The following MRPL3 variants were observed in gnomAD, a reference collection of about 807,000 sequenced individuals.
MRPL3 encodes the protein large ribosomal subunit protein uL3m.
A neutral mutation model predicts 44.3 loss-of-function variants in MRPL3; 43 were observed. The ratio of observed to expected loss-of-function variants is 0.97; its 90% CI spans 0.76 to 1.25. MRPL3 has a LOEUF of 1.25. Ranked by LOEUF, MRPL3 falls within the 50% of genes most tolerant of loss-of-function variation. The pLI, the probability that MRPL3 is intolerant of heterozygous loss-of-function variation, is 0.00. For synonymous variants in MRPL3, 171 were observed against 152.3 expected (o/e 1.12, Z -0.91); for missense variants, 406 against 427.6 (o/e 0.95, Z 0.45).
intron 8 of MRPL3, among the ~76,000 whole-genome samples, chr3:131,468,877 T>G (rs868646606): frequency 6.6e-6 from 1 of 152,060 alleles, no homozygotes; most frequent in African/African-American, 2.4e-5. Flanking sequence ...ATAAAAGGTA[T>G]GCAGAATAGA....
chr3:131,498,140 G>A (rs756017928), intron 4 of MRPL3, 39 bp downstream of exon 4: 3 of 1,312,764 alleles, frequency 2.3e-6, no homozygotes, highest in Non-Finnish European at 3.3e-6. Flanking sequence ...TGAAACTGAT[G>A]AAAAATGCAG....
intron 9 of MRPL3, 35 bp from the exon 10 acceptor site, chr3:131,462,910 A>G: frequency 6.4e-7 from 1 of 1,568,462 alleles, no homozygotes; most frequent in South Asian, 1.2e-5. Flanking sequence ...GAAACCAATT[A>G]AGTTCTTTAA....
At chr3:131,476,307 CAG>C (rs1491585639) in intron 6 of MRPL3, among the ~76,000 whole-genome samples, 2 of 152,054 alleles carry the variant, frequency 1.3e-5, no homozygotes, top group African/African-American at 4.8e-5. Context: ...TTAGGGAGAA[CAG>C]AGTGTACCTG....
intron 2 of MRPL3, 48 bp downstream of exon 2, chr3:131,501,483 C>A (rs759739529): frequency 1.4e-6 from 2 of 1,434,918 alleles, no homozygotes; most frequent in Admixed American, 3.7e-5. Flanking sequence ...ATGTGTCCAG[C>A]CACACAGTAA....
intron 6 of MRPL3, among the ~76,000 whole-genome samples, chr3:131,479,960 C>G (rs1314334714): frequency 6.6e-6 from 1 of 152,188 alleles, no homozygotes; most frequent in African/African-American, 2.4e-5. Flanking sequence ...AATCACTTTA[C>G]TATGCTTTAG....
rs1384897553 is a variant in MRPL3 at position 131,500,618 on chromosome 3, AG to A, written c.278-98del. 5 of 908,002 alleles carry A rather than the reference AG, an allele frequency of 5.5e-6. No individual in the cohort carries two copies. The African/African-American group carries it at 8.2e-5, about 15-fold the overall frequency. 56.2% of individuals were successfully genotyped at this position (908,002 alleles called of 1,614,324 possible). A position where few individuals can be genotyped will look rare whatever the true frequency, so the allele number is the denominator to read the frequency against. Reference sequence around the variant, plus strand: ...CCTAAAATCAGGTTTCCGTATGAGGAGCAGGCACGTAAGAAATATGCTAATA... The same window carrying A: ...CCTAAAATCAGGTTTCCGTATGAGGACAGGCACGTAAGAAATATGCTAATA... On this transcript the variant is annotated intron_variant, in intron 2 of 9. Coordinates refer to ENST00000264995, the MANE Select transcript of MRPL3 (RefSeq NM_007208.4).
chr3:131,482,466 G>A (rs577048672), intron 6 of MRPL3, among the ~76,000 whole-genome samples: 11 of 150,300 alleles, frequency 7.3e-5, no homozygotes, highest in African/African-American at 2.7e-4. Flanking sequence ...AGTGAGCCGA[G>A]ATCGTGCCAC....
At position 131,498,235 on chromosome 3, in the gene MRPL3, A is replaced by G; in HGVS notation, c.412T>C (p.Cys138Arg). The G allele has an allele frequency of 6.2e-7, 1 of 1,612,856 alleles. No homozygotes were observed. Among genetic ancestry groups the G allele is most frequent in the Middle Eastern group, 1.6e-4 (1 of 6,062 alleles). The change falls in exon 4 of 10, where the codon TGT becomes CGT. Residue 138 changes from cysteine to arginine, a missense_variant. Transcript: ENST00000264995. ...HVLKYTSKENCNGKMATLSVG... is the reference protein window; with the variant it reads ...HVLKYTSKENRNGKMATLSVG... ...GACAGGGTTGCCATTTTTCCATTAC[A>G]GTTTTCCTTTGACGTATATTTTAAG...
chr3:131,489,934 C>A, intron 5 of MRPL3, 47 bp downstream of exon 5: 1 of 1,161,982 alleles, frequency 8.6e-7, no homozygotes, highest in Non-Finnish European at 1.3e-6. Flanking sequence ...AAACAAATTG[C>A]ATATTTGGGT....
chr3:131,484,671 A>G (rs1029384066), intron 6 of MRPL3, among the ~76,000 whole-genome samples: 1 of 152,226 alleles, frequency 6.6e-6, no homozygotes, highest in Non-Finnish European at 1.5e-5. Context: ...AGTGGCAACT[A>G]GGGCTGTATG....
chr3:131,486,111 G>T (rs1204497042), intron 6 of MRPL3, among the ~76,000 whole-genome samples: 1 of 152,036 alleles, frequency 6.6e-6, no homozygotes, highest in Non-Finnish European at 1.5e-5. Context: ...ATGGTGCTGG[G>T]AAAACTGGCT....
intron 9 of MRPL3, among the ~76,000 whole-genome samples, chr3:131,466,131 A>G (rs918439322): frequency 2.6e-5 from 4 of 152,082 alleles, no homozygotes; most frequent in Admixed American, 2.0e-4. Context: ...TGTCTCAGAA[A>G]GGTAATTTTA....
At chr3:131,481,949 A>G (rs1022348409) in intron 6 of MRPL3, among the ~76,000 whole-genome samples, 2 of 152,244 alleles carry the variant, frequency 1.3e-5, no homozygotes, top group Non-Finnish European at 2.9e-5. Flanking sequence ...GTTTACAACA[A>G]ACATCTACCA....
chr3:131,464,313 C>G (rs754268703), intron 9 of MRPL3, among the ~76,000 whole-genome samples: 1 of 152,098 alleles, frequency 6.6e-6, no homozygotes, highest in Non-Finnish European at 1.5e-5. Flanking sequence ...ATATTTTAGA[C>G]GACGGAATCA....
intron 3 of MRPL3, 60 bp downstream of exon 3, chr3:131,500,370 T>A (rs1934467546): frequency 7.3e-7 from 1 of 1,362,308 alleles, no homozygotes; most frequent in Non-Finnish European, 1.0e-6. Flanking sequence ...CTTGTTAAGG[T>A]TTGCACAAAC....
At chr3:131,502,582 T>C (rs1404677528) in intron 1 of MRPL3, 148 bp downstream of exon 1, 6 of 634,956 alleles carry the variant, frequency 9.4e-6, no homozygotes, top group Non-Finnish European at 1.3e-5. Context: ...TAGAACGTGC[T>C]TCCTTAGGTT....
At position 131,500,449 on chromosome 3, in the gene MRPL3, T is replaced by C. The variant is rs193113171; in HGVS notation, c.350A>G (p.His117Arg). The C allele has an allele frequency of 5.9e-5, 96 of 1,613,740 alleles. 1 individual carries two copies. In the Admixed American group the frequency reaches 1.1e-3, roughly 19 times the overall value. ...MPLWTKDGQKHVVTLLQVQDC... is the reference protein window; with the variant it reads ...MPLWTKDGQKRVVTLLQVQDC... Reference sequence around the variant, plus strand: ...TCTTACCTGAAGTAATGTGACCACATGCTTTTGACCATCCTTGGTCCATAA... The same window carrying C: ...TCTTACCTGAAGTAATGTGACCACACGCTTTTGACCATCCTTGGTCCATAA... Residue 117 changes from histidine to arginine, a missense_variant, in exon 3 of 10, where the codon CAT becomes CGT. By Grantham distance (29) the His-to-Arg change is conservative. Transcript: ENST00000264995.
At chr3:131,498,982 G>A (rs773180512) in intron 3 of MRPL3, among the ~76,000 whole-genome samples, 53 of 152,264 alleles carry the variant, frequency 3.5e-4, no homozygotes, top group Non-Finnish European at 6.9e-4. Flanking sequence ...GAATCTTTGT[G>A]TTTTATAAGA....
intron 6 of MRPL3, among the ~76,000 whole-genome samples, chr3:131,485,223 A>C (rs116691005): frequency 0.017 from 2,636 of 152,304 alleles, 76 homozygotes; most frequent in African/African-American, 0.059. Flanking sequence ...ACTTTAAAGA[A>C]GCCAAGGAAA....
Sources: allele counts gnomAD v4.1 joint callset (sites outside exome capture counted in the v4.1 genomes callset), GRCh38; gene constraint gnomAD v4.1.1; transcripts MANE v1.5; gene names NCBI Gene and HGNC (gene_info 2026-07-23, HGNC 2026-07-21).